Variants in FAM184B observed in about 807,000 individuals in gnomAD.
FAM184B encodes family with sequence similarity 184 member B, also known as protein FAM184B.
Under a neutral mutation model 135.9 loss-of-function variants are expected in FAM184B, and 111 were observed. That is an observed-to-expected ratio of 0.82 (90% CI 0.70 to 0.96). FAM184B has a LOEUF of 0.96. FAM184B is among the 40% of genes least tolerant of loss of function. The pLI, the probability that FAM184B is intolerant of heterozygous loss-of-function variation, is 0.00. For missense variants in FAM184B, 1,375 were observed against 1,323.9 expected, an observed-to-expected ratio of 1.04 and a Z score of -0.60; for synonymous variants, 552 against 524.8, an observed-to-expected ratio of 1.05 and a Z score of -0.71.
At chr4:17,728,706 TTAG>T (rs1717698870) in intron 1 of FAM184B, among the ~76,000 whole-genome samples, 1 of 152,150 alleles carries the variant, frequency 6.6e-6, no homozygotes, top group Non-Finnish European at 1.5e-5. Flanking sequence ...TTTCAGCATG[TTAG>T]TAGTAACCTC....
chr4:17,745,405 A>G (rs1239630751), intron 1 of FAM184B, among the ~76,000 whole-genome samples: 1 of 152,160 alleles, frequency 6.6e-6, no homozygotes, highest in Non-Finnish European at 1.5e-5. Context: ...CCGCTTACCA[A>G]GCTACTTCTA....
At chr4:17,759,492 T>TTTTTTTC (rs374135472) in intron 1 of FAM184B, among the ~76,000 whole-genome samples, 3 of 152,078 alleles carry the variant, frequency 2.0e-5, no homozygotes, top group Admixed American at 6.6e-5. Context: ...CAGGTATGTC[T>TTTTTTTC]TTTTTTCTTT....
At chr4:17,655,057 G>A (rs1427718372) in intron 10 of FAM184B, among the ~76,000 whole-genome samples, 1 of 152,092 alleles carries the variant, frequency 6.6e-6, no homozygotes, top group Non-Finnish European at 1.5e-5. Context: ...TGTTGCCCAG[G>A]CTAACCTCAA....
At chr4:17,776,263 C>A (rs1718924692) in intron 1 of FAM184B, among the ~76,000 whole-genome samples, 1 of 152,106 alleles carries the variant, frequency 6.6e-6, no homozygotes, top group Admixed American at 6.6e-5. Flanking sequence ...TATTAACAAA[C>A]CTATAGGAGG....
chr4:17,694,522 C>CAA (rs5856442), intron 5 of FAM184B, among the ~76,000 whole-genome samples: 1,853 of 141,408 alleles, frequency 0.013, 24 homozygotes, highest in East Asian at 0.055. Context: ...GACTCCATCT[C>CAA]AAAAAAAAAA....
At position 17,632,490 on chromosome 4, in the gene FAM184B, A is replaced by G. The variant is rs1714982732; in HGVS notation, c.*42T>C. On this transcript the variant is annotated 3_prime_UTR_variant, in exon 18 of 18. Coordinates refer to ENST00000265018, the MANE Select transcript of FAM184B (RefSeq NM_015688.2). ...CCTTCAATCGGATGATTTAAAATAAATGTTTTTCAAGTATCCTCTGTGATG... is the reference window on the plus strand; with the variant it reads ...CCTTCAATCGGATGATTTAAAATAAGTGTTTTTCAAGTATCCTCTGTGATG... The G allele has an allele frequency of 1.4e-6, 2 of 1,417,324 alleles. No individual in the cohort carries two copies. Among genetic ancestry groups the G allele is most frequent in the African/African-American group, 1.4e-5 (1 of 69,956 alleles). 87.8% of individuals were successfully genotyped at this position (1,417,324 alleles called of 1,614,324 possible). A position where few individuals can be genotyped will look rare whatever the true frequency, so the allele number is the denominator to read the frequency against.
chr4:17,726,167 GC>G (rs980624800), intron 1 of FAM184B, among the ~76,000 whole-genome samples: 4 of 151,900 alleles, frequency 2.6e-5, no homozygotes, highest in African/African-American at 9.7e-5. Flanking sequence ...CTTGTGATCC[GC>G]CTGCCTCAGC....
chr4:17,763,008 C>T (rs1049063958), intron 1 of FAM184B, among the ~76,000 whole-genome samples: 3 of 152,208 alleles, frequency 2.0e-5, no homozygotes, highest in African/African-American at 7.2e-5. Context: ...CACACATGTT[C>T]CTGACTCACT....
intron 5 of FAM184B, among the ~76,000 whole-genome samples, chr4:17,700,243 G>T (rs1399136372): frequency 1.3e-5 from 2 of 152,150 alleles, no homozygotes; most frequent in African/African-American, 4.8e-5. Flanking sequence ...GGCGGAGATT[G>T]TCAATCTGTA....
chr4:17,764,121 A>G (rs996060742), intron 1 of FAM184B, among the ~76,000 whole-genome samples: 1 of 152,230 alleles, frequency 6.6e-6, no homozygotes, highest in Admixed American at 6.5e-5. Flanking sequence ...TAAACTAAAC[A>G]GGCTAACATC....
At position 17,700,888 on chromosome 4, in the gene FAM184B, C is replaced by T. The variant is rs189972657; in HGVS notation, c.1377+4112G>A. 1.2e-4 allele frequency among the ~76,000 whole-genome samples: 18 copies of T among 151,240 alleles called. No individual in the cohort carries two copies. The East Asian group carries it at 3.5e-3, about 29-fold the overall frequency. ...ATTGAACAATATACTTCTAAATAAC[C>T]AGGGTTATTTTGGAAATTGATAGAA... is the stretch of plus-strand genomic sequence containing the variant. On this transcript the variant is annotated intron_variant, in intron 5 of 17. Coordinates refer to ENST00000265018, the MANE Select transcript of FAM184B (RefSeq NM_015688.2).
At chr4:17,685,705 A>G (rs1300194044) in intron 7 of FAM184B, among the ~76,000 whole-genome samples, 1 of 152,018 alleles carries the variant, frequency 6.6e-6, no homozygotes, top group Non-Finnish European at 1.5e-5. Context: ...TGTCCCCTGG[A>G]GACATTTTTG....
rs1397131436 is a variant in FAM184B at position 17,636,448 on chromosome 4, G to A, written c.2784+80C>T. 3 of 1,043,146 alleles carry A rather than the reference G, an allele frequency of 2.9e-6. No homozygotes were observed. In the East Asian group the frequency reaches 7.8e-5, roughly 27 times the overall value. 64.6% of individuals were successfully genotyped at this position (1,043,146 alleles called of 1,614,324 possible). A position where few individuals can be genotyped will look rare whatever the true frequency, so the allele number is the denominator to read the frequency against. ...TATTAGGGCACCTAGAGAAATGCTG[G>A]GTGCAAGTGAACGCCCCTCCCGGGG... On this transcript the variant is annotated intron_variant, in intron 15 of 17. Coordinates refer to ENST00000265018, the MANE Select transcript of FAM184B (RefSeq NM_015688.2).
At chr4:17,707,879 A>G (rs548332379) in intron 2 of FAM184B, 95 bp from the exon 3 acceptor site, 2 of 1,405,690 alleles carry the variant, frequency 1.4e-6, no homozygotes, top group African/African-American at 1.4e-5. Context: ...AAAGGCGGGT[A>G]TATGCACAGC....
chr4:17,758,570 G>T (rs900467174), intron 1 of FAM184B, among the ~76,000 whole-genome samples: 2 of 152,234 alleles, frequency 1.3e-5, no homozygotes, highest in Non-Finnish European at 2.9e-5. Context: ...AAGAGGAAGA[G>T]AAGGTTTGAC....
intron 1 of FAM184B, among the ~76,000 whole-genome samples, chr4:17,712,023 T>A (rs936005011): frequency 7.2e-5 from 11 of 152,194 alleles, no homozygotes; most frequent in African/African-American, 2.7e-4. Context: ...GTGTGTGGCA[T>A]CAGAGGCTGT....
chr4:17,731,631 T>C (rs1717777497), intron 1 of FAM184B, among the ~76,000 whole-genome samples: 1 of 152,140 alleles, frequency 6.6e-6, no homozygotes, highest in South Asian at 2.1e-4. Context: ...GAGCTAACTA[T>C]CCTAAATATA....
In FAM184B at chr4:17,781,158, C is replaced by T; in HGVS notation, c.141+1G>A. 1 of 1,543,544 alleles carries T rather than the reference C, an allele frequency of 6.5e-7. No homozygotes were observed. The highest frequency in any genetic ancestry group is 8.7e-7 in the Non-Finnish European group (1 of 1,142,966). On this transcript the variant is annotated splice_donor_variant, in intron 1 of 17. Transcript: ENST00000265018. LOFTEE classifies it high-confidence loss of function. This position sits in a 1 kb window ranked among gnomAD's most constrained non-coding sequence, Gnocchi z 6.5. Reference sequence around the variant, plus strand: ...CGCTGGCCCGCTGCGCCCCACCTTACCTTGGTGAGCTGGGCGATCTTCTTG... The same window carrying T: ...CGCTGGCCCGCTGCGCCCCACCTTATCTTGGTGAGCTGGGCGATCTTCTTG...
intron 1 of FAM184B, among the ~76,000 whole-genome samples, chr4:17,764,865 G>A (rs1251029232): frequency 2.0e-5 from 3 of 152,230 alleles, no homozygotes; most frequent in East Asian, 3.9e-4. Flanking sequence ...AGGAGATCGA[G>A]ACCAGGCTGG....
Sources: gnomAD v4.1 joint callset for allele counts (sites outside exome capture counted in the v4.1 genomes callset) on GRCh38, gnomAD v4.1.1 for gene constraint, Gnocchi (gnomAD v3.1) non-coding constraint, MANE v1.5 for transcripts, NCBI Gene and HGNC (gene_info 2026-07-23, HGNC 2026-07-21) for gene names.